Variants in MRAS observed in about 807,000 individuals in gnomAD.
MRAS encodes muscle RAS oncogene homolog, also known as ras-related protein M-Ras.
A neutral mutation model predicts 20.9 loss-of-function variants in MRAS; 4 were observed. The observed-to-expected ratio is 0.19, with a 90% CI of 0.09 to 0.44. MRAS has a LOEUF of 0.44. Ranked by LOEUF, MRAS falls within the 20% of genes least tolerant of loss-of-function variation. The pLI is 0.99. For missense variants in MRAS, 154 were observed against 277.5 expected (o/e 0.56, Z 3.16); for synonymous variants, 98 against 102.9 (o/e 0.95, Z 0.29).
chr3:138,358,351 A>T (rs1230402615), intron 1 of MRAS, among the ~76,000 whole-genome samples: 1 of 151,976 alleles, frequency 6.6e-6, no homozygotes, highest in Non-Finnish European at 1.5e-5. Flanking sequence ...AAAAACAAAG[A>T]TATAAAGGGG....
In MRAS at chr3:138,403,919, A is replaced by G. The variant is rs1397858819; in HGVS notation, c.*1650A>G. On this transcript the variant is annotated 3_prime_UTR_variant, in exon 6 of 6. Transcript: ENST00000423968. ...GGTTCTGAAAATGTGCTGTGTTCCT[A>G]CCTCGGCAAGATCACCAGCACTGAG... 1 of 152,200 alleles carries G rather than the reference A, an allele frequency of 6.6e-6. No homozygotes were observed. The highest frequency in any genetic ancestry group is 2.4e-5 in the African/African-American group (1 of 41,446). 9.4% of individuals were successfully genotyped at this position (152,200 alleles called of 1,614,324 possible).
intron 1 of MRAS, among the ~76,000 whole-genome samples, chr3:138,366,064 G>A (rs917812934): frequency 6.6e-6 from 1 of 152,210 alleles, no homozygotes; most frequent in Non-Finnish European, 1.5e-5. Context: ...CTCGGGGAGC[G>A]GAGAGTGAAG....
chr3:138,391,404 T>C (rs889654686), intron 2 of MRAS, among the ~76,000 whole-genome samples: 1 of 152,246 alleles, frequency 6.6e-6, no homozygotes, highest in Admixed American at 6.5e-5. Context: ...TCTTATACTC[T>C]TGTTTCTGTT....
At chr3:138,349,016 A>G (rs2054172014) in intron 1 of MRAS, 1 of 151,468 alleles carries the variant, frequency 6.6e-6, no homozygotes, top group African/African-American at 2.4e-5. Context: ...CGCGCCGCTC[A>G]GAGAGACCCT....
At chr3:138,373,122 G>A in intron 2 of MRAS, 46 bp downstream of exon 2, 1 of 1,364,256 alleles carries the variant, frequency 7.3e-7, no homozygotes, top group African/African-American at 1.5e-5. Flanking sequence ...TAGTAGATGG[G>A]GAGGATCAGG....
intron 5 of MRAS, 112 bp downstream of exon 5, chr3:138,400,725 T>C: frequency 1.1e-6 from 1 of 886,300 alleles, no homozygotes; most frequent in Non-Finnish European, 1.8e-6. Flanking sequence ...GGCTGTGGAA[T>C]TCTGGGCCTA....
At chr3:138,390,434 GTC>G (rs1576379312) in intron 2 of MRAS, among the ~76,000 whole-genome samples, 1 of 152,062 alleles carries the variant, frequency 6.6e-6, no homozygotes, top group Non-Finnish European at 1.5e-5. Flanking sequence ...CTATCTGTCT[GTC>G]TCTCTCTCAC....
intron 4 of MRAS, 91 bp downstream of exon 4, chr3:138,398,659 C>A: frequency 8.8e-7 from 1 of 1,142,740 alleles, no homozygotes; most frequent in Non-Finnish European, 1.3e-6. Context: ...GGAAATGAAA[C>A]TACTGTTTAT....
chr3:138,372,524 G>A (rs2054696252), intron 1 of MRAS, among the ~76,000 whole-genome samples: 1 of 152,140 alleles, frequency 6.6e-6, no homozygotes, highest in South Asian at 2.1e-4. Flanking sequence ...TCAGACCACT[G>A]CCCTCGTGTT....
At chr3:138,401,358 GC>G (rs540306318) in intron 5 of MRAS, among the ~76,000 whole-genome samples, 300 of 152,244 alleles carry the variant, frequency 2.0e-3, no homozygotes, top group African/African-American at 6.9e-3. Flanking sequence ...CAGCCCCGGG[GC>G]TCTAACCCCC....
intron 4 of MRAS, 42 bp from the exon 5 acceptor site, chr3:138,400,492 G>A (rs777705388): frequency 6.5e-7 from 1 of 1,549,740 alleles, no homozygotes; most frequent in Non-Finnish European, 8.9e-7. Context: ...GGGCTTTGAG[G>A]ATCTCTGTGC....
chr3:138,382,729 T>G (rs1305180560), intron 2 of MRAS, among the ~76,000 whole-genome samples: 1 of 152,240 alleles, frequency 6.6e-6, no homozygotes, highest in Non-Finnish European at 1.5e-5. Flanking sequence ...CAGCCTGGGC[T>G]CGTTCCAGAT....
chr3:138,363,546 A>G (rs2054494649), intron 1 of MRAS, among the ~76,000 whole-genome samples: 1 of 152,064 alleles, frequency 6.6e-6, no homozygotes, highest in Non-Finnish European at 1.5e-5. Context: ...ACACACTGTG[A>G]GCCCCACAGG....
intron 5 of MRAS, 34 bp from the exon 6 acceptor site, chr3:138,402,136 G>A (rs1157426760): frequency 6.2e-7 from 1 of 1,602,058 alleles, no homozygotes; most frequent in South Asian, 1.1e-5. Flanking sequence ...AGCCCATTCT[G>A]ACTTTGTCTT....
intron 2 of MRAS, among the ~76,000 whole-genome samples, chr3:138,381,257 T>C (rs889010650): frequency 6.6e-6 from 1 of 152,254 alleles, no homozygotes; most frequent in African/African-American, 2.4e-5. Context: ...AGAGTTCTTG[T>C]GTGCCTATTT....
chr3:138,353,049 C>G (rs1422920798), intron 1 of MRAS, among the ~76,000 whole-genome samples: 1 of 152,178 alleles, frequency 6.6e-6, no homozygotes, highest in African/African-American at 2.4e-5. Context: ...AAGGAGCCCC[C>G]TGAGTGTATT....
chr3:138,390,001 A>G (rs775114434), intron 2 of MRAS, among the ~76,000 whole-genome samples: 2 of 148,932 alleles, frequency 1.3e-5, no homozygotes, highest in Non-Finnish European at 3.0e-5. Context: ...CAGTTTTCCT[A>G]GTATTTCTCA....
chr3:138,385,277 A>T (rs1290932944), intron 2 of MRAS, among the ~76,000 whole-genome samples: 3 of 139,600 alleles, frequency 2.1e-5, no homozygotes, highest in Non-Finnish European at 4.5e-5. Context: ...CTCCCACCTC[A>T]GTCTCCTCAG....
At chr3:138,361,763 C>T (rs1415557765) in intron 1 of MRAS, among the ~76,000 whole-genome samples, 2 of 152,134 alleles carry the variant, frequency 1.3e-5, no homozygotes, top group Admixed American at 6.5e-5. Flanking sequence ...AGAGGCTGGC[C>T]TTCCCTGGTT....
Sources: allele counts gnomAD v4.1 joint callset (sites outside exome capture counted in the v4.1 genomes callset), GRCh38; gene constraint gnomAD v4.1.1; transcripts MANE v1.5; gene names NCBI Gene and HGNC (gene_info 2026-07-23, HGNC 2026-07-21).